The following ANO2 variants were observed in gnomAD, a reference collection of about 807,000 sequenced individuals.
ANO2 encodes anoctamin-2.
A neutral mutation model predicts 124.2 loss-of-function variants in ANO2; 101 were observed. The observed-to-expected ratio is 0.81, with a 90% CI of 0.69 to 0.96. The LOEUF (loss-of-function observed/expected upper bound fraction) is 0.96. Ranked by LOEUF, ANO2 falls within the 40% of genes least tolerant of loss-of-function variation. ANO2 has a pLI of 0.00. For missense variants in ANO2, 1,293 were observed against 1,274.5 expected (o/e 1.01, Z -0.22); for synonymous variants, 486 against 482.5 (o/e 1.01, Z -0.09).
intron 3 of ANO2, among the ~76,000 whole-genome samples, chr12:5,914,029 G>A (rs1195262612): frequency 2.0e-5 from 3 of 151,956 alleles, no homozygotes; most frequent in South Asian, 2.1e-4. Flanking sequence ...GTGAAACCCT[G>A]TCTCTACTAA....
intron 10 of ANO2, among the ~76,000 whole-genome samples, chr12:5,767,833 T>G (rs897385845): frequency 1.3e-5 from 2 of 152,128 alleles, no homozygotes; most frequent in African/African-American, 4.8e-5. Flanking sequence ...CCACAGGCTG[T>G]GGCTGGGAAT....
rs141163509 is a variant in ANO2, at chr12:5,611,586, C to T, written c.2087+1070G>A. On this transcript the variant is annotated intron_variant, in intron 19 of 24. Coordinates refer to ENST00000682330, the MANE Select transcript of ANO2 (RefSeq NM_001364791.2). Reference sequence around the variant, plus strand: ...AAAGAATACAGTATTCTCTGTCAGCCACTTTATTCTGAAACAAATGCCTTT... The same window carrying T: ...AAAGAATACAGTATTCTCTGTCAGCTACTTTATTCTGAAACAAATGCCTTT... Among the ~76,000 whole-genome samples the T allele has an allele frequency of 4.8e-4, 73 of 152,300 alleles. 1 individual carries two copies. The highest frequency in any genetic ancestry group is 1.3e-3 in the African/African-American group (52 of 41,566).
intron 14 of ANO2, among the ~76,000 whole-genome samples, chr12:5,709,630 G>T (rs1189640995): frequency 6.6e-6 from 1 of 152,160 alleles, no homozygotes; most frequent in African/African-American, 2.4e-5. Context: ...TCGCCCCTTA[G>T]GCTTCCCCAG....
rs987238884 is a variant in ANO2 at position 5,739,488 on chromosome 12, A to G, written c.1352-89T>C. The G allele has an allele frequency of 1.0e-5, 11 of 1,085,958 alleles. No homozygotes were observed. In the Admixed American group the frequency reaches 2.8e-4, roughly 28 times the overall value. The allele number at this position is 1,085,958 out of a possible 1,614,324, so 67.3% of individuals were successfully genotyped here. A position where few individuals can be genotyped will look rare whatever the true frequency, so the allele number is the denominator to read the frequency against. Reference sequence around the variant, plus strand: ...GGGCTCACCAGTGGAGGTGGGGGATAAGCTATTTTAAATTTAGGAGCTCTC... The same window carrying G: ...GGGCTCACCAGTGGAGGTGGGGGATGAGCTATTTTAAATTTAGGAGCTCTC... On this transcript the variant is annotated intron_variant, in intron 12 of 24. Transcript: ENST00000682330.
At chr12:5,693,089 A>C (rs968383412) in intron 14 of ANO2, among the ~76,000 whole-genome samples, 1 of 152,120 alleles carries the variant, frequency 6.6e-6, no homozygotes, top group African/African-American at 2.4e-5. Flanking sequence ...CATAGGGTTC[A>C]TTTAGGGACA....
chr12:5,745,123 G>C (rs1480173418), intron 11 of ANO2, among the ~76,000 whole-genome samples: 1 of 152,068 alleles, frequency 6.6e-6, no homozygotes, highest in Admixed American at 6.5e-5. Flanking sequence ...CCATTCATTC[G>C]TTAGCTGACT....
chr12:5,852,719 G>A (rs1954949773), intron 4 of ANO2, among the ~76,000 whole-genome samples: 1 of 152,028 alleles, frequency 6.6e-6, no homozygotes. Flanking sequence ...TCACAGTGGT[G>A]GTACAGAAGG....
At chr12:5,835,999 G>T (rs150768461) in intron 4 of ANO2, among the ~76,000 whole-genome samples, 1 of 152,164 alleles carries the variant, frequency 6.6e-6, no homozygotes, top group East Asian at 1.9e-4. Flanking sequence ...GCATGTGTGC[G>T]GTAATTAGTT....
At chr12:5,664,172 A>G (rs144403453) in intron 14 of ANO2, among the ~76,000 whole-genome samples, 7 of 152,220 alleles carry the variant, frequency 4.6e-5, no homozygotes, top group African/African-American at 7.2e-5. Flanking sequence ...TGGTCTGGGT[A>G]TGTGCTAGAA....
chr12:5,806,496 C>T (rs1301430581), intron 8 of ANO2, among the ~76,000 whole-genome samples: 1 of 152,248 alleles, frequency 6.6e-6, no homozygotes, highest in East Asian at 1.9e-4. Flanking sequence ...AATTAGAAGA[C>T]TGCCATCCGA....
chr12:5,715,420 G>C (rs1485543095), intron 14 of ANO2, among the ~76,000 whole-genome samples: 1 of 152,126 alleles, frequency 6.6e-6, no homozygotes, highest in Non-Finnish European at 1.5e-5. Flanking sequence ...ATTAGTGATG[G>C]GTTCAGAAGA....
intron 10 of ANO2, among the ~76,000 whole-genome samples, chr12:5,782,652 T>C (rs768763233): frequency 5.9e-5 from 9 of 152,196 alleles, no homozygotes; most frequent in Non-Finnish European, 1.2e-4. Flanking sequence ...GATGTAGACA[T>C]AGGAAATCTA....
chr12:5,716,709 G>C (rs1195344694), intron 14 of ANO2, among the ~76,000 whole-genome samples: 1 of 152,186 alleles, frequency 6.6e-6, no homozygotes, highest in African/African-American at 2.4e-5. Context: ...GATGTCAAAT[G>C]TCTACAGGCA....
chr12:5,574,653 C>T (rs571042985), intron 23 of ANO2, among the ~76,000 whole-genome samples: 22 of 152,234 alleles, frequency 1.4e-4, no homozygotes, highest in Middle Eastern at 3.4e-3. Flanking sequence ...TAATTCCTCC[C>T]GCCACCCTGG....
intron 1 of ANO2, among the ~76,000 whole-genome samples, chr12:5,937,610 G>A (rs1206247244): frequency 2.0e-5 from 3 of 151,854 alleles, no homozygotes; most frequent in African/African-American, 7.3e-5. Context: ...CATTGTGAAT[G>A]ATAAAACATT....
At chr12:5,737,591 A>G (rs1450625609) in intron 13 of ANO2, among the ~76,000 whole-genome samples, 1 of 152,174 alleles carries the variant, frequency 6.6e-6, no homozygotes, top group Non-Finnish European at 1.5e-5. Flanking sequence ...CTTGGAGGCC[A>G]AAATGCATCT....
intron 16 of ANO2, among the ~76,000 whole-genome samples, chr12:5,631,176 T>C (rs114338331): frequency 0.033 from 4,992 of 152,300 alleles, 264 homozygotes; most frequent in African/African-American, 0.11. Context: ...CACACATATA[T>C]GTGTGATGCG....
At chr12:5,792,446 C>CCAGCCTGGTTATG (rs1952725397) in intron 10 of ANO2, among the ~76,000 whole-genome samples, 1 of 152,180 alleles carries the variant, frequency 6.6e-6, no homozygotes, top group African/African-American at 2.4e-5. Flanking sequence ...GTTATGTTTT[C>CCAGCCTGGTTATG]TTTAGGTGTG....
intron 14 of ANO2, among the ~76,000 whole-genome samples, chr12:5,675,395 G>A (rs1948192482): frequency 6.6e-6 from 1 of 152,104 alleles, no homozygotes; most frequent in African/African-American, 2.4e-5. Context: ...GACCACTTCT[G>A]AGCCACTGGA....
Sources: gnomAD v4.1 joint callset for allele counts (sites outside exome capture counted in the v4.1 genomes callset) on GRCh38, gnomAD v4.1.1 for gene constraint, MANE v1.5 for transcripts, NCBI Gene and HGNC (gene_info 2026-07-23, HGNC 2026-07-21) for gene names.